The following KCTD3 variants were observed in gnomAD, a reference collection of about 807,000 sequenced individuals.
KCTD3 encodes potassium channel tetramerization domain containing 3.
Under a neutral mutation model 85.8 loss-of-function variants are expected in KCTD3, and 41 were observed. The observed-to-expected ratio is 0.48, with a 90% CI of 0.37 to 0.62. KCTD3 has a LOEUF of 0.62. Ranked by LOEUF, KCTD3 falls within the 20% of genes least tolerant of loss-of-function variation. The pLI is 0.00. For synonymous variants in KCTD3, 338 were observed against 345.4 expected (o/e 0.98, Z 0.24); for missense variants, 724 against 989.9 (o/e 0.73, Z 3.60).
In KCTD3 at chr1:215,577,738, C is replaced by T. The variant is rs758141880; in HGVS notation, c.316+10C>T. The T allele has an allele frequency of 1.9e-6, 3 of 1,569,960 alleles. No individual in the cohort carries two copies. Among genetic ancestry groups the T allele is most frequent in the Middle Eastern group, 1.7e-4 (1 of 5,986 alleles). The stretch of plus-strand genomic sequence containing the variant: ...GGGATCACTCCATTAGGTATGTGCT[C>T]TTTTAATATTTGGTGTTTATGATTT... On this transcript the variant is annotated intron_variant, in intron 5 of 17. Coordinates refer to ENST00000259154, the MANE Select transcript of KCTD3 (RefSeq NM_016121.5).
In KCTD3 at chr1:215,567,766, C is replaced by G. The variant is rs765664552; in HGVS notation, c.81C>G (p.Thr27=). 3.2e-6 allele frequency: 4 copies of G among 1,244,332 alleles called. No homozygotes were observed. Among genetic ancestry groups the G allele is most frequent in the South Asian group, 4.1e-5 (1 of 24,408 alleles). The allele number at this position is 1,244,332 out of a possible 1,614,324, so 77.1% of individuals were successfully genotyped here. A position where few individuals can be genotyped will look rare whatever the true frequency, so the allele number is the denominator to read the frequency against. Residue 27 remains threonine, a splice_region_variant and synonymous_variant, in exon 1 of 18, where the codon ACC becomes ACG. Transcript: ENST00000259154. ...TCGTCCAACTGAACGTAGGGGGGAC[C>G]AGGTGAGTCGGCGGGTAGCGGGCTT... ...GEIVQLNVGG[T]RFSTSRQTLM... is the part of the protein sequence containing the mutation.
intron 12 of KCTD3, among the ~76,000 whole-genome samples, chr1:215,603,297 T>G (rs990039214): frequency 6.6e-6 from 1 of 152,076 alleles, no homozygotes; most frequent in African/African-American, 2.4e-5. Flanking sequence ...CATGACATGC[T>G]TTTTTTCCTT....
At position 215,621,750 on chromosome 1, in the gene KCTD3, C is replaced by T. The variant is rs993235511; in HGVS notation, c.*1132C>T. The T allele has an allele frequency of 2.0e-5, 3 of 152,356 alleles. No homozygotes were observed. The highest frequency in any genetic ancestry group is 7.2e-5 in the African/African-American group (3 of 41,396). 9.4% of individuals were successfully genotyped at this position (152,356 alleles called of 1,614,324 possible). A position where few individuals can be genotyped will look rare whatever the true frequency, so the allele number is the denominator to read the frequency against. On this transcript the variant is annotated 3_prime_UTR_variant, in exon 18 of 18. Transcript: ENST00000259154. ...AAATTTACTATATTGCCAGTGGTTT[C>T]ACAACAGTTCTCTTGTATTTATTTA...
intron 15 of KCTD3, among the ~76,000 whole-genome samples, chr1:215,614,403 T>G (rs1655355080): frequency 6.6e-6 from 1 of 152,246 alleles, no homozygotes; most frequent in Admixed American, 6.5e-5. Flanking sequence ...ATGTAATTAC[T>G]TTGTGTAGCA....
Position 215,583,055 on chromosome 1 carries a change from AC to A in KCTD3, c.626+3059del, listed in dbSNP as rs376836120. ...TTTTGACATCTCTTTATTGTGTAAT[AC>A]CCTAATTACTATAGAGAAAAACAAC... On this transcript the variant is annotated intron_variant, in intron 8 of 17. Coordinates refer to ENST00000259154, the MANE Select transcript of KCTD3 (RefSeq NM_016121.5). Among the ~76,000 whole-genome samples the A allele has an allele frequency of 1.8e-3, 274 of 152,010 alleles. 3 individuals are homozygous for A. The highest frequency in any genetic ancestry group is 6.1e-3 in the African/African-American group (254 of 41,476).
chr1:215,588,090 C>T (rs879346699), intron 9 of KCTD3, among the ~76,000 whole-genome samples: 2 of 152,112 alleles, frequency 1.3e-5, no homozygotes, highest in African/African-American at 2.4e-5. Context: ...CAAATAACAT[C>T]AGTGGTTTTC....
At chr1:215,602,250 T>A (rs753555990) in intron 12 of KCTD3, 49 bp downstream of exon 12, 1 of 949,280 alleles carries the variant, frequency 1.1e-6, no homozygotes, top group South Asian at 1.5e-5. Flanking sequence ...ATCTTTTTAT[T>A]CATTAGTTTA....
At chr1:215,583,412 A>G (rs191155114) in intron 8 of KCTD3, among the ~76,000 whole-genome samples, 2 of 152,350 alleles carry the variant, frequency 1.3e-5, no homozygotes, top group South Asian at 2.1e-4. Flanking sequence ...ATGATAATGC[A>G]TTATAATTAG....
At chr1:215,607,524 C>T (rs1298184367) in intron 13 of KCTD3, among the ~76,000 whole-genome samples, 2 of 151,888 alleles carry the variant, frequency 1.3e-5, no homozygotes, top group Non-Finnish European at 2.9e-5. Context: ...TCTTAATTTT[C>T]CTTAATGTAA....
chr1:215,571,825 G>T (rs758050675), intron 1 of KCTD3, among the ~76,000 whole-genome samples: 1 of 152,266 alleles, frequency 6.6e-6, no homozygotes, highest in Non-Finnish European at 1.5e-5. Flanking sequence ...TAGAGACGGG[G>T]TTTCACCGTG....
At chr1:215,618,082 TGTCA>T (rs1319276111) in intron 15 of KCTD3, 3 of 466,122 alleles carry the variant, frequency 6.4e-6, no homozygotes, top group Admixed American at 4.7e-5. Flanking sequence ...GCTTCTCTCT[TGTCA>T]GTCTGTGTGG....
chr1:215,578,951 T>C (rs1659689209), intron 6 of KCTD3, 49 bp from the exon 7 acceptor site: 2 of 1,357,546 alleles, frequency 1.5e-6, no homozygotes, highest in Non-Finnish European at 2.0e-6. Context: ...ATTTTTAATT[T>C]TTGAAAGGTG....
chr1:215,595,599 G>T, intron 10 of KCTD3, 128 bp downstream of exon 10: 1 of 577,508 alleles, frequency 1.7e-6, no homozygotes. Context: ...TAAATGTAGT[G>T]GTAAATTTTT....
rs754717304 is a variant in KCTD3 at position 215,604,172 on chromosome 1, C to T, written c.1179C>T (p.Ser393=). 1 of 1,613,680 alleles carries T rather than the reference C, an allele frequency of 6.2e-7. No homozygotes were observed. The highest frequency in any genetic ancestry group is 8.5e-7 in the Non-Finnish European group (1 of 1,179,780). ...GGATCGAGATCGCCTATGGTACGAGCTCTGGAGCAGTACGAGTGATTGTAC... is the reference window on the plus strand; with the variant it reads ...GGATCGAGATCGCCTATGGTACGAGTTCTGGAGCAGTACGAGTGATTGTAC... ...GNWIEIAYGT[S]SGAVRVIVQH... Residue 393 remains serine, a synonymous_variant, in exon 13 of 18, where the codon AGC becomes AGT. Transcript: ENST00000259154.
chr1:215,614,023 T>G (rs560457729), intron 15 of KCTD3, among the ~76,000 whole-genome samples: 1 of 129,432 alleles, frequency 7.7e-6, no homozygotes, highest in Non-Finnish European at 1.6e-5. Context: ...GAATAGTTTT[T>G]TTTTTTTTTT....
chr1:215,591,660 C>T (rs1243103642), intron 9 of KCTD3, among the ~76,000 whole-genome samples: 1 of 152,128 alleles, frequency 6.6e-6, no homozygotes, highest in African/African-American at 2.4e-5. Flanking sequence ...GGCCAGCAGC[C>T]TTTCTTTCCT....
At chr1:215,581,767 A>T (rs1257273747) in intron 8 of KCTD3, among the ~76,000 whole-genome samples, 1 of 152,250 alleles carries the variant, frequency 6.6e-6, no homozygotes, top group Non-Finnish European at 1.5e-5. Flanking sequence ...AATTGAGGAC[A>T]TATTTGGATT....
chr1:215,568,575 G>T (rs540777102), intron 1 of KCTD3, among the ~76,000 whole-genome samples: 1 of 140,854 alleles, frequency 7.1e-6, no homozygotes, highest in Non-Finnish European at 1.5e-5. Context: ...TAACTTATGA[G>T]TCACTCCTCT....
chr1:215,593,396 G>C (rs1296831222), intron 9 of KCTD3, among the ~76,000 whole-genome samples: 1 of 151,964 alleles, frequency 6.6e-6, no homozygotes, highest in Non-Finnish European at 1.5e-5. Flanking sequence ...TTTTTGTTTT[G>C]GTTTCTTTTT....
Sources: gnomAD v4.1 joint callset for allele counts (sites outside exome capture counted in the v4.1 genomes callset) on GRCh38, gnomAD v4.1.1 for gene constraint, MANE v1.5 for transcripts, NCBI Gene and HGNC (gene_info 2026-07-23, HGNC 2026-07-21) for gene names.